PLCH1: variants seen among roughly 807,000 people sequenced by gnomAD.
The protein encoded by PLCH1 is 1-phosphatidylinositol 4,5-bisphosphate phosphodiesterase eta-1.
A neutral mutation model predicts 126.7 loss-of-function variants in PLCH1; 60 were observed. The ratio of observed to expected loss-of-function variants is 0.47; its 90% CI spans 0.38 to 0.59. The LOEUF (loss-of-function observed/expected upper bound fraction) is 0.59, where lower values mean the gene tolerates loss of function less well. PLCH1 is among the 20% of genes least tolerant of loss of function. The pLI, the probability that PLCH1 is intolerant of heterozygous loss-of-function variation, is 0.00. For synonymous variants in PLCH1, 719 were observed against 734.9 expected (o/e 0.98, Z 0.35); for missense variants, 1,723 against 2,040.0 (o/e 0.84, Z 2.99).
At chr3:155,498,291 G>C (rs1261785380) in intron 14 of PLCH1, among the ~76,000 whole-genome samples, 1 of 152,202 alleles carries the variant, frequency 6.6e-6, no homozygotes, top group Non-Finnish European at 1.5e-5. Flanking sequence ...GCACTTCCTT[G>C]AAGTGAAAAG....
intron 2 of PLCH1, among the ~76,000 whole-genome samples, chr3:155,616,925 C>T (rs1182013704): frequency 2.0e-5 from 3 of 151,540 alleles, no homozygotes; most frequent in African/African-American, 7.3e-5. Context: ...CCTGATTAAC[C>T]CTGTTAGATA....
intron 2 of PLCH1, among the ~76,000 whole-genome samples, chr3:155,674,783 G>A (rs1008450943): frequency 7.2e-5 from 11 of 152,090 alleles, no homozygotes; most frequent in African/African-American, 2.7e-4. Flanking sequence ...TTTCCACTAT[G>A]TTTAAGAATT....
chr3:155,558,764 G>A (rs1047263501), intron 8 of PLCH1, among the ~76,000 whole-genome samples: 3 of 151,756 alleles, frequency 2.0e-5, no homozygotes, highest in Non-Finnish European at 2.9e-5. Flanking sequence ...TAATATTTTC[G>A]GGGTGCAGCT....
At chr3:155,620,620 G>T (rs756868138) in intron 2 of PLCH1, among the ~76,000 whole-genome samples, 10 of 152,180 alleles carry the variant, frequency 6.6e-5, no homozygotes, top group Non-Finnish European at 1.2e-4. Flanking sequence ...GTAAGAAAGA[G>T]CTGCAACCGT....
intron 11 of PLCH1, among the ~76,000 whole-genome samples, chr3:155,516,593 G>C (rs1720345313): frequency 6.6e-6 from 1 of 152,098 alleles, no homozygotes; most frequent in Non-Finnish European, 1.5e-5. Flanking sequence ...AGCAACTCTA[G>C]AAACAGTATT....
intron 22 of PLCH1, 88 bp downstream of exon 22, chr3:155,485,268 A>G (rs1714865015): frequency 1.3e-6 from 1 of 784,408 alleles, no homozygotes; most frequent in Non-Finnish European, 2.1e-6. Flanking sequence ...TACTTTGACT[A>G]CAGAATGTCA....
At chr3:155,601,177 C>G (rs901420443) in intron 2 of PLCH1, among the ~76,000 whole-genome samples, 1 of 152,162 alleles carries the variant, frequency 6.6e-6, no homozygotes, top group African/African-American at 2.4e-5. Flanking sequence ...CAGGGTTTCA[C>G]CGTGTTAGCC....
intron 3 of PLCH1, among the ~76,000 whole-genome samples, chr3:155,594,948 AGC>A (rs1242120618): frequency 4.6e-5 from 7 of 152,278 alleles, no homozygotes; most frequent in Non-Finnish European, 7.3e-5. Context: ...ACAATCAAAT[AGC>A]TGAGCTACAT....
intron 10 of PLCH1, among the ~76,000 whole-genome samples, chr3:155,531,088 T>G (rs1722612208): frequency 4.3e-5 from 1 of 23,060 alleles, no homozygotes; most frequent in Non-Finnish European, 2.2e-4. Flanking sequence ...AAATATGTGC[T>G]GTCATCAGGC....
chr3:155,728,544 C>T (rs1296156251), intron 1 of PLCH1, among the ~76,000 whole-genome samples: 5 of 152,088 alleles, frequency 3.3e-5, no homozygotes, highest in African/African-American at 1.2e-4. Context: ...AGGATTTGAA[C>T]TCAAAAAATC....
rs117108212 is a variant in PLCH1, at chr3:155,671,940, G to A, written c.79+32206C>T. Among the ~76,000 whole-genome samples the A allele has an allele frequency of 7.9e-5, 12 of 152,218 alleles. No homozygotes were observed. In the East Asian group the frequency reaches 1.5e-3, roughly 20 times the overall value. ...AGGCTGAGAAAAAACTGTATTTTTC[G>A]TTAATAGTTCTATAATATTGTGTTT... is the stretch of plus-strand genomic sequence containing the variant. On this transcript the variant is annotated intron_variant, in intron 2 of 22. Coordinates refer to ENST00000460012, the MANE Select transcript of PLCH1 (RefSeq NM_014996.4).
At chr3:155,613,163 T>C (rs1735350706) in intron 2 of PLCH1, among the ~76,000 whole-genome samples, 1 of 152,010 alleles carries the variant, frequency 6.6e-6, no homozygotes, top group Non-Finnish European at 1.5e-5. Flanking sequence ...AATTTAAAAA[T>C]TGCCAGCAAA....
chr3:155,481,119 C>A lies in PLCH1; in HGVS notation c.4907G>T (p.Gly1636Val). ...YIAGYLKNTKGGGLEGRGIPE... is the reference protein window; with the variant it reads ...YIAGYLKNTKVGGLEGRGIPE... ...GATGCCCCGGCCTTCAAGGCCACCCCCTTTCGTGTTCTTCAGGTAGCCTGC... is the reference window on the plus strand; with the variant it reads ...GATGCCCCGGCCTTCAAGGCCACCCACTTTCGTGTTCTTCAGGTAGCCTGC... The change falls in exon 23 of 23, where the codon GGG becomes GTG. Residue 1636 changes from glycine to valine, a missense_variant. Gly to Val is a moderately radical substitution (Grantham distance 109). Coordinates refer to ENST00000460012, the MANE Select transcript of PLCH1 (RefSeq NM_014996.4). The surrounding 1 kb of genome is among the most constrained non-coding windows in gnomAD (Gnocchi z 4.2). 6.2e-7 allele frequency: 1 copy of A among 1,614,200 alleles called. No individual in the cohort carries two copies. Among genetic ancestry groups the A allele is most frequent in the Non-Finnish European group, 8.5e-7 (1 of 1,180,016 alleles).
At chr3:155,619,839 G>A (rs1736241603) in intron 2 of PLCH1, among the ~76,000 whole-genome samples, 1 of 150,216 alleles carries the variant, frequency 6.7e-6, no homozygotes, top group Non-Finnish European at 1.5e-5. Context: ...TATGGCAGAT[G>A]TTTTTGTCAA....
At chr3:155,553,572 A>G (rs562030763) in intron 9 of PLCH1, among the ~76,000 whole-genome samples, 1 of 152,276 alleles carries the variant, frequency 6.6e-6, no homozygotes, top group East Asian at 1.9e-4. Flanking sequence ...AAAAAAAGAG[A>G]TTGAGAAGCA....
At chr3:155,615,293 G>T (rs1735658464) in intron 2 of PLCH1, among the ~76,000 whole-genome samples, 1 of 152,058 alleles carries the variant, frequency 6.6e-6, no homozygotes, top group African/African-American at 2.4e-5. Context: ...ACTAAGTGTT[G>T]GCATGGATGT....
At chr3:155,694,680 C>A (rs2109053100) in intron 2 of PLCH1, among the ~76,000 whole-genome samples, 1 of 152,128 alleles carries the variant, frequency 6.6e-6, no homozygotes, top group East Asian at 1.9e-4. Flanking sequence ...GACAAACAGA[C>A]AAAAACATTT....
At chr3:155,717,428 T>G (rs1419065535) in intron 1 of PLCH1, among the ~76,000 whole-genome samples, 1 of 152,266 alleles carries the variant, frequency 6.6e-6, no homozygotes, top group Non-Finnish European at 1.5e-5. Flanking sequence ...GTGAGGGCTC[T>G]GTCCCTGCAG....
intron 1 of PLCH1, among the ~76,000 whole-genome samples, chr3:155,736,353 A>G: frequency 6.6e-6 from 1 of 152,252 alleles, no homozygotes; most frequent in East Asian, 1.9e-4. Flanking sequence ...TTTGTGTACA[A>G]GCCTTTTCTC....
Sources: allele counts gnomAD v4.1 joint callset (sites outside exome capture counted in the v4.1 genomes callset), GRCh38; gene constraint gnomAD v4.1.1; non-coding constraint Gnocchi (gnomAD v3.1); transcripts MANE v1.5; gene names NCBI Gene and HGNC (gene_info 2026-07-23, HGNC 2026-07-21).